The following KEL variants were observed in gnomAD, a reference collection of about 807,000 sequenced individuals.
KEL encodes Kell metallo-endopeptidase (Kell blood group).
A neutral mutation model predicts 99.5 loss-of-function variants in KEL; 96 were observed. The ratio of observed to expected loss-of-function variants is 0.97; its 90% CI spans 0.82 to 1.14. The LOEUF (loss-of-function observed/expected upper bound fraction) is 1.14, where lower values mean the gene tolerates loss of function less well. Ranked by LOEUF, KEL falls within the 50% of genes most tolerant of loss-of-function variation. The probability of loss-of-function intolerance (pLI) is 0.00; values close to 1 mark genes in which losing one functional copy is unlikely to be tolerated. For missense variants in KEL, 926 were observed against 924.2 expected (o/e 1.00, Z -0.03); for synonymous variants, 355 against 354.8 (o/e 1.00, Z -0.01).
At position 142,962,213 on chromosome 7, in the gene KEL, A is replaced by C; in HGVS notation, c.-7T>G. ...CCAAAAGGGGACTTACCATCTGTCT[A>C]TCTTCTGTGGCTCCAGAATCCTTCC... On this transcript the variant is annotated 5_prime_UTR_variant, in exon 1 of 19. Transcript: ENST00000355265. 6.2e-7 allele frequency: 1 copy of C among 1,613,958 alleles called. No homozygotes were observed. The highest frequency in any genetic ancestry group is 1.1e-5 in the South Asian group (1 of 91,076).
intron 1 of KEL, 98 bp from the exon 2 acceptor site, chr7:142,961,970 T>C: frequency 6.2e-7 from 1 of 1,602,886 alleles, no homozygotes; most frequent in Non-Finnish European, 8.5e-7. Flanking sequence ...CCTCGCTGCC[T>C]GCCCTGCCCC....
rs1796346056 is a variant in KEL at position 142,941,299 on chromosome 7, C to A, written c.2152G>T (p.Ala718Ser). Residue 718 changes from alanine (A) to serine (S), a missense_variant, in exon 19 of 19, where the codon GCA (alanine) becomes TCA (serine). By Grantham distance (99) the Ala-to-Ser change is moderately conservative. Coordinates refer to ENST00000355265, the MANE Select transcript of KEL (RefSeq NM_000420.3). ...GAGGGGTTCAAGAGAGCACCACGTG[C>A]ACAGCGGAAATACCTGGCAAAGGCT... ...TPAFARYFRC[A>S]RGALLNPSSR... The A allele has an allele frequency of 6.2e-7, 1 of 1,613,968 alleles. No individual in the cohort carries two copies. Among genetic ancestry groups the A allele is most frequent in the Non-Finnish European group, 8.5e-7 (1 of 1,180,024 alleles).
chr7:142,947,600 G>T (rs1431031916), intron 10 of KEL, among the ~76,000 whole-genome samples: 2 of 152,158 alleles, frequency 1.3e-5, no homozygotes, highest in African/African-American at 4.8e-5. Flanking sequence ...ACCCAGGCTG[G>T]AGTGCAGTGG....
In KEL at chr7:142,954,365, C is replaced by T. The variant is rs61729040; in HGVS notation, c.743G>A (p.Arg248Gln). ...CTGATTCAGGTAAGTCAGGTATTCC[C>T]GAAAGATCTGGAGGAAGGAAATGTC... ...QEQKIYAQIF[R>Q]EYLTYLNQLG... Residue 248 changes from arginine (R) to glutamine (Q), a missense_variant, in exon 8 of 19, where the codon CGG becomes CAG. Coordinates refer to ENST00000355265, the MANE Select transcript of KEL (RefSeq NM_000420.3). 1.6e-5 allele frequency: 26 copies of T among 1,613,966 alleles called. No homozygotes were observed. Among genetic ancestry groups the T allele is most frequent in the African/African-American group, 4.0e-5 (3 of 74,876 alleles).
chr7:142,952,441 A>G, intron 10 of KEL, 68 bp downstream of exon 10: 1 of 1,597,138 alleles, frequency 6.3e-7, no homozygotes, highest in East Asian at 2.2e-5. Context: ...AGATGCCGAC[A>G]TTTACCCCTC....
At position 142,941,216 on chromosome 7, in the gene KEL, C is replaced by T. The variant is rs373209391; in HGVS notation, c.*36G>A. On this transcript the variant is annotated 3_prime_UTR_variant, in exon 19 of 19. Transcript: ENST00000355265. Reference sequence around the variant, plus strand: ...TGGATGTGACCAGGGAGGTGTTGGTCGATATTTCTGTGCTGTGGCATCTTT... The same window carrying T: ...TGGATGTGACCAGGGAGGTGTTGGTTGATATTTCTGTGCTGTGGCATCTTT... 21 of 1,610,904 alleles carry T rather than the reference C, an allele frequency of 1.3e-5. No homozygotes were observed. Among genetic ancestry groups the T allele is most frequent in the Non-Finnish European group, 1.6e-5 (19 of 1,177,354 alleles).
intron 11 of KEL, among the ~76,000 whole-genome samples, chr7:142,945,356 G>A (rs1240483900): frequency 2.0e-5 from 3 of 152,184 alleles, no homozygotes; most frequent in African/African-American, 7.2e-5. Flanking sequence ...TTTGGTAACT[G>A]TGTGACTTTG....
intron 16 of KEL, 54 bp downstream of exon 16, chr7:142,943,222 G>A: frequency 6.3e-7 from 1 of 1,596,116 alleles, no homozygotes; most frequent in Non-Finnish European, 8.6e-7. Context: ...CCTCCCTTGT[G>A]GTCTTCCCTT....
intron 18 of KEL, chr7:142,942,057 C>T (rs1796374432): frequency 7.5e-6 from 2 of 265,730 alleles, no homozygotes; most frequent in South Asian, 1.2e-4. Flanking sequence ...GATCCGCCCA[C>T]CTCGGCCTCC....
Position 142,941,182 on chromosome 7 carries a change from C to G in KEL, c.*70G>C. 1 of 1,534,398 alleles carries G rather than the reference C, an allele frequency of 6.5e-7. No homozygotes were observed. Reference sequence around the variant, plus strand: ...ACAGAAGCAGAAAGGAAATCTTGCTCTGATTCCATGGATGTGACCAGGGAG... The same window carrying G: ...ACAGAAGCAGAAAGGAAATCTTGCTGTGATTCCATGGATGTGACCAGGGAG... On this transcript the variant is annotated 3_prime_UTR_variant, in exon 19 of 19. Coordinates refer to ENST00000355265, the MANE Select transcript of KEL (RefSeq NM_000420.3).
chr7:142,959,198 G>A (rs1240333928), intron 4 of KEL, among the ~76,000 whole-genome samples: 3 of 152,156 alleles, frequency 2.0e-5, no homozygotes, highest in Non-Finnish European at 4.4e-5. Context: ...GTCGGCAGGA[G>A]AATTAAAGGA....
rs763707975 is a variant in KEL at position 142,946,239 on chromosome 7, G to C, written c.1282C>G (p.Arg428Gly). 3.3e-5 allele frequency: 54 copies of C among 1,613,942 alleles called. No individual in the cohort carries two copies. The highest frequency in any genetic ancestry group is 2.6e-4 in the South Asian group (24 of 91,072). The change falls in exon 11 of 19, where the codon CGT (arginine) becomes GGT (glycine). Residue 428 changes from arginine to glycine, a missense_variant. Arg to Gly is a moderately radical substitution (Grantham distance 125). Coordinates refer to ENST00000355265, the MANE Select transcript of KEL (RefSeq NM_000420.3). ...CGGGTGCTCGGGCCAAAGGCCTCACGAACAAACAAAGCCGCCAGCGTGGGC... is the reference window on the plus strand; with the variant it reads ...CGGGTGCTCGGGCCAAAGGCCTCACCAACAAACAAAGCCGCCAGCGTGGGC... ...FEPTLAALFV[R>G]EAFGPSTRSA...
intron 10 of KEL, among the ~76,000 whole-genome samples, chr7:142,947,643 C>T (rs540862229): frequency 1.3e-5 from 2 of 152,230 alleles, no homozygotes; most frequent in African/African-American, 2.4e-5. Flanking sequence ...TTTCACCTCC[C>T]GGGTTCAAGT....
At chr7:142,946,389 T>C in intron 10 of KEL, 72 bp from the exon 11 acceptor site, 2 of 1,181,528 alleles carry the variant, frequency 1.7e-6, no homozygotes, top group African/African-American at 1.5e-5. Context: ...CAGTCTTCAC[T>C]AGATCTTCAT....
intron 6 of KEL, among the ~76,000 whole-genome samples, chr7:142,956,432 G>A (rs1796831671): frequency 6.6e-6 from 1 of 151,664 alleles, no homozygotes; most frequent in African/African-American, 2.4e-5. Context: ...GATGGCCTCA[G>A]TAGCTCTTTT....
intron 1 of KEL, 39 bp from the exon 2 acceptor site, chr7:142,961,911 G>A (rs373157613): frequency 8.6e-5 from 139 of 1,609,132 alleles, no homozygotes; most frequent in Non-Finnish European, 1.1e-4. Flanking sequence ...AGAGAAGCTG[G>A]TTCAGGAAAT....
At chr7:142,944,791 A>G in intron 11 of KEL, 50 bp from the exon 12 acceptor site, 1 of 1,424,678 alleles carries the variant, frequency 7.0e-7, no homozygotes, top group Non-Finnish European at 9.9e-7. Context: ...GAGAGGCCTC[A>G]GCCTGGCCCT....
At chr7:142,952,842 A>G (rs1388664239) in intron 9 of KEL, among the ~76,000 whole-genome samples, 1 of 152,226 alleles carries the variant, frequency 6.6e-6, no homozygotes, top group African/African-American at 2.4e-5. Context: ...AGTAAAAGAA[A>G]CTAGATGAAG....
rs144602305 is a variant in KEL at position 142,944,381 on chromosome 7, T to C, written c.1433A>G (p.Glu478Gly). Residue 478 changes from glutamate (E) to glycine (G), a missense_variant, in exon 13 of 19, where the codon GAG becomes GGG. Physicochemically the swap from Glu to Gly is moderately conservative, Grantham distance 98. Coordinates refer to ENST00000355265, the MANE Select transcript of KEL (RefSeq NM_000420.3). The stretch of plus-strand genomic sequence containing the variant: ...CAGGGCCCATTCTGAAGCCCCCATC[T>C]CCACCTGCAGTTGAGCAACCTGGAG... ...AQDKVAQLQV[E>G]MGASEWALKP... 3 of 1,613,908 alleles carry C rather than the reference T, an allele frequency of 1.9e-6. No homozygotes were observed. The African/African-American group carries it at 4.0e-5, about 22-fold the overall frequency.
Sources: allele counts gnomAD v4.1 joint callset (sites outside exome capture counted in the v4.1 genomes callset), GRCh38; gene constraint gnomAD v4.1.1; transcripts MANE v1.5; gene names NCBI Gene and HGNC (gene_info 2026-07-23, HGNC 2026-07-21).